DDX50: variants seen among roughly 807,000 people sequenced by gnomAD.
DDX50 encodes DExD-box helicase 50.
A neutral mutation model predicts 94.8 loss-of-function variants in DDX50; 56 were observed. The observed-to-expected ratio is 0.59, with a 90% CI of 0.48 to 0.74. The LOEUF is 0.74. Ranked by LOEUF, DDX50 falls within the 30% of genes least tolerant of loss-of-function variation. DDX50 has a pLI of 0.00. For missense variants in DDX50, 713 were observed against 881.2 expected (o/e 0.81, Z 2.42); for synonymous variants, 264 against 295.4 (o/e 0.89, Z 1.09).
At chr10:68,938,445 T>A (rs574931648) in intron 12 of DDX50, among the ~76,000 whole-genome samples, 1 of 152,318 alleles carries the variant, frequency 6.6e-6, no homozygotes, top group South Asian at 2.1e-4. Context: ...GAATTTTAAA[T>A]AAGAGTTCTG....
intron 2 of DDX50, 107 bp from the exon 3 acceptor site, chr10:68,910,200 A>T: frequency 1.0e-6 from 1 of 994,558 alleles, no homozygotes; most frequent in Non-Finnish European, 1.5e-6. Flanking sequence ...AAAAAAAAAA[A>T]AGTGTTCCAC....
chr10:68,919,994 T>TAA lies in DDX50; in HGVS notation c.1239+13_1239+14insAA. On this transcript the variant is annotated intron_variant, in intron 8 of 14. Transcript: ENST00000373585. The stretch of plus-strand genomic sequence containing the variant: ...ACACATAAAACAGGTAAGTCTTTTT[T>TAA]TCATGCTTTCTCTAATTGAAATTAT... 6.2e-7 allele frequency: 1 copy of TAA among 1,613,002 alleles called. No homozygotes were observed. Among genetic ancestry groups the TAA allele is most frequent in the Non-Finnish European group, 8.5e-7 (1 of 1,179,712 alleles).
intron 8 of DDX50, among the ~76,000 whole-genome samples, chr10:68,924,534 G>A (rs1842027915): frequency 6.6e-6 from 1 of 151,974 alleles, no homozygotes; most frequent in Non-Finnish European, 1.5e-5. Flanking sequence ...TTTAAATTAA[G>A]TTAAACTTTG....
chr10:68,919,737 A>G, intron 7 of DDX50, 95 bp from the exon 8 acceptor site: 2 of 1,458,592 alleles, frequency 1.4e-6, no homozygotes, highest in Non-Finnish European at 1.9e-6. Flanking sequence ...TCTCCCAGGA[A>G]GGCTAATTCT....
At position 68,941,244 on chromosome 10, in the gene DDX50, G is replaced by A. The variant is rs182601128; in HGVS notation, c.1890+50G>A. On this transcript the variant is annotated intron_variant, in intron 13 of 14. Coordinates refer to ENST00000373585, the MANE Select transcript of DDX50 (RefSeq NM_024045.2). ...AGCTTTTTAATCAACTACCCCAAAT[G>A]TTTACAAACACTAGCAAATTTTGTT... is the stretch of plus-strand genomic sequence containing the variant. The A allele has an allele frequency of 1.3e-5, 21 of 1,591,660 alleles. No individual in the cohort carries two copies. The African/African-American group carries it at 1.4e-4, about 10-fold the overall frequency.
chr10:68,902,343 G>A (rs1049921487), intron 1 of DDX50, among the ~76,000 whole-genome samples: 14 of 152,240 alleles, frequency 9.2e-5, no homozygotes, highest in African/African-American at 3.4e-4. Context: ...GGCAGTATTC[G>A]AAGGCTGACA....
chr10:68,936,028 G>A lies in DDX50; in HGVS notation c.1544G>A (p.Gly515Asp). 1 of 1,608,562 alleles carries A rather than the reference G, an allele frequency of 6.2e-7. No homozygotes were observed. Among genetic ancestry groups the A allele is most frequent in the East Asian group, 2.2e-5 (1 of 44,586 alleles). The change falls in exon 11 of 15, where the codon GGT (glycine) becomes GAT (aspartate). Residue 515 changes from glycine (G) to aspartate (D), a missense_variant. Coordinates refer to ENST00000373585, the MANE Select transcript of DDX50 (RefSeq NM_024045.2). ...QKAGITFKRV[G>D]VPSTMDLVKS... is the part of the protein sequence containing the mutation. ...CAGGGAATTACTTTTAAACGTGTAG[G>A]TGTTCCTTCTACAATGGATTTAGTT...
chr10:68,913,327 T>A (rs774611802), intron 5 of DDX50, 48 bp downstream of exon 5: 20 of 1,602,620 alleles, frequency 1.2e-5, no homozygotes, highest in Non-Finnish European at 3.4e-6. Context: ...TTGATACTCA[T>A]ATTTAAATAA....
intron 8 of DDX50, among the ~76,000 whole-genome samples, chr10:68,931,426 T>TATATACACACACACACACAC (rs375773633): frequency 2.4e-5 from 2 of 84,832 alleles, no homozygotes; most frequent in Non-Finnish European, 4.5e-5. Context: ...TATATATATA[T>TATATACACACACACACACAC]ACACAAACAC....
At chr10:68,939,194 ACT>A (rs1842496268) in intron 12 of DDX50, among the ~76,000 whole-genome samples, 1 of 152,056 alleles carries the variant, frequency 6.6e-6, no homozygotes, top group South Asian at 2.1e-4. Flanking sequence ...GGTGTATTTT[ACT>A]CTCTGTAATT....
At chr10:68,922,723 C>T (rs1239632654) in intron 8 of DDX50, among the ~76,000 whole-genome samples, 3 of 151,474 alleles carry the variant, frequency 2.0e-5, no homozygotes, top group African/African-American at 7.3e-5. Context: ...AGGCCAGGAG[C>T]TAGAGGTTAC....
In DDX50 at chr10:68,931,430, CAA is replaced by C. The variant is rs1491178650; in HGVS notation, c.1240-2767_1240-2766del. ...ATATATGTATATATATATATATACA[CAA>C]ACACACACACACACAATTTTTTTTT... On this transcript the variant is annotated intron_variant, in intron 8 of 14. Coordinates refer to ENST00000373585, the MANE Select transcript of DDX50 (RefSeq NM_024045.2). 6.4e-4 allele frequency among the ~76,000 whole-genome samples: 87 copies of C among 135,782 alleles called. No individual in the cohort carries two copies. The Middle Eastern group carries it at 0.011, about 18-fold the overall frequency. The allele number at this position is 135,782 out of a possible 152,430, so 89.1% of individuals were successfully genotyped here.
rs143174070 is a variant in DDX50, at chr10:68,940,968, G to A, written c.1756-92G>A. On this transcript the variant is annotated intron_variant, in intron 12 of 14. Transcript: ENST00000373585. The stretch of plus-strand genomic sequence containing the variant: ...GTTATACTTTTGGCTCATAAGAAAT[G>A]CACAGTTAAGTCTTGAAGGATTATA... 4 of 1,480,612 alleles carry A rather than the reference G, an allele frequency of 2.7e-6. No homozygotes were observed. The East Asian group carries it at 9.5e-5, about 35-fold the overall frequency. The allele number at this position is 1,480,612 out of a possible 1,614,324, so 91.7% of individuals were successfully genotyped here. A position where few individuals can be genotyped will look rare whatever the true frequency, so the allele number is the denominator to read the frequency against.
rs1285316920 is a variant in DDX50, at chr10:68,929,291, TCCTC to T, written c.1240-4907_1240-4904del. Among the ~76,000 whole-genome samples the T allele has an allele frequency of 2.4e-3, 179 of 75,820 alleles. 2 individuals carry two copies. Among genetic ancestry groups the T allele is most frequent in the African/African-American group, 7.4e-3 (167 of 22,438 alleles). 49.7% of individuals were successfully genotyped at this position (75,820 alleles called of 152,430 possible). A position where few individuals can be genotyped will look rare whatever the true frequency, so the allele number is the denominator to read the frequency against. On this transcript the variant is annotated intron_variant, in intron 8 of 14. Transcript: ENST00000373585. ...TTCCTTCCTTCCTTCCTTCCTTCCT[TCCTC>T]TCTCTCTCTCTCTCTCTCTTTCTTT...
In DDX50 at chr10:68,901,396, A is replaced by G. The variant is rs766560850; in HGVS notation, c.12A>G (p.Lys4=). Residue 4 remains lysine (K), a synonymous_variant, in exon 1 of 15, where the codon AAA becomes AAG. Transcript: ENST00000373585. The part of the protein sequence containing the change: MPG[K]LLWGDIMELE... ...GGCGGTGGCCAGTAATGCCTGGGAA[A>G]CTCCTCTGGGGGGACATTATGGAGC... 9.6e-6 allele frequency: 15 copies of G among 1,555,306 alleles called. No homozygotes were observed. The highest frequency in any genetic ancestry group is 2.8e-5 in the African/African-American group (2 of 72,666).
At chr10:68,907,756 G>C (rs1841501412) in intron 2 of DDX50, among the ~76,000 whole-genome samples, 1 of 150,686 alleles carries the variant, frequency 6.6e-6, no homozygotes, top group Non-Finnish European at 1.5e-5. Flanking sequence ...TGAATTTGCT[G>C]TTTGGCAGGA....
chr10:68,905,319 G>T, intron 1 of DDX50, among the ~76,000 whole-genome samples: 1 of 148,002 alleles, frequency 6.8e-6, no homozygotes, highest in Non-Finnish European at 1.5e-5. Flanking sequence ...GAAAAATAGT[G>T]TTTTTTAAAA....
At chr10:68,932,592 T>C (rs1178721036) in intron 8 of DDX50, among the ~76,000 whole-genome samples, 2 of 152,126 alleles carry the variant, frequency 1.3e-5, no homozygotes, top group Non-Finnish European at 2.9e-5. Flanking sequence ...GACTTTAATA[T>C]AGTGGCCAGG....
intron 13 of DDX50, 120 bp downstream of exon 13, chr10:68,941,314 CTG>C: frequency 7.6e-7 from 1 of 1,308,386 alleles, no homozygotes; most frequent in Non-Finnish European, 1.0e-6. Context: ...TGTTTTTTCT[CTG>C]TTAGTTTGTT....
Sources: gnomAD v4.1 joint callset for allele counts (sites outside exome capture counted in the v4.1 genomes callset) on GRCh38, gnomAD v4.1.1 for gene constraint, MANE v1.5 for transcripts, NCBI Gene and HGNC (gene_info 2026-07-23, HGNC 2026-07-21) for gene names.